STOML3: variants seen among roughly 807,000 people sequenced by gnomAD.
STOML3 encodes the protein stomatin like 3, also known as stomatin-like protein 3.
Under a neutral mutation model 29.5 loss-of-function variants are expected in STOML3, and 31 were observed. The observed-to-expected ratio is 1.05, with a 90% CI of 0.79 to 1.42. The LOEUF (loss-of-function observed/expected upper bound fraction) is 1.42. STOML3 is among the 40% of genes most tolerant of loss of function. The probability of loss-of-function intolerance (pLI) is 0.00; values close to 1 mark genes in which losing one functional copy is unlikely to be tolerated. For synonymous variants in STOML3, 122 were observed against 139.8 expected (o/e 0.87, Z 0.90); for missense variants, 380 against 363.0 (o/e 1.05, Z -0.38).
At chr13:38,968,175 C>T (rs9548571) in intron 6 of STOML3, among the ~76,000 whole-genome samples, 50,208 of 151,990 alleles carry the variant, frequency 0.33, 8,847 homozygotes, top group East Asian at 0.5. Context: ...TTGCTCAGTA[C>T]GTTACTGAGC....
chr13:38,968,404 G>A lies in STOML3; in HGVS notation c.647C>T (p.Ala216Val). 6.2e-7 allele frequency: 1 copy of A among 1,614,048 alleles called. No homozygotes were observed. Among genetic ancestry groups the A allele is most frequent in the Non-Finnish European group, 8.5e-7 (1 of 1,180,000 alleles). Residue 216 changes from alanine (A) to valine (V), a missense_variant, in exon 6 of 7, where the codon GCC becomes GTC. Transcript: ENST00000379631. ...TGTGAACTGCACAACACTTACCTTG[G>A]CTCTCGCTTCCCGGGTGGCCTCAGC... ...AEAEATREAR[A>V]KVLAAEGEMN...
chr13:38,968,743 A>G (rs1320080082), intron 5 of STOML3, among the ~76,000 whole-genome samples: 7 of 152,146 alleles, frequency 4.6e-5, no homozygotes, highest in Admixed American at 3.9e-4. Flanking sequence ...CTCTTTAAGA[A>G]TTCAGGAATT....
In STOML3 at chr13:38,966,278, G is replaced by C. The variant is rs1014891488; in HGVS notation, c.*547C>G. ...GTGAGCTCATCGCAGTTTGCCTTGT[G>C]GCACGGGGGACATGTTTGAGCCTGG... On this transcript the variant is annotated 3_prime_UTR_variant, in exon 7 of 7. Coordinates refer to ENST00000379631, the MANE Select transcript of STOML3 (RefSeq NM_145286.3). 1 of 152,542 alleles carries C rather than the reference G, an allele frequency of 6.6e-6. No individual in the cohort carries two copies. The highest frequency in any genetic ancestry group is 1.5e-5 in the Non-Finnish European group (1 of 68,344). The allele number at this position is 152,542 out of a possible 1,614,324, so 9.4% of individuals were successfully genotyped here.
intron 6 of STOML3, 85 bp from the exon 7 acceptor site, chr13:38,967,134 C>T (rs1880687350): frequency 2.4e-6 from 3 of 1,234,124 alleles, no homozygotes; most frequent in East Asian, 2.6e-5. Context: ...TATTGATACC[C>T]CTCTCCCCAG....
At position 38,972,538 on chromosome 13, in the gene STOML3, C is replaced by G; in HGVS notation, c.286G>C (p.Val96Leu). 2 of 1,614,036 alleles carry G rather than the reference C, an allele frequency of 1.2e-6. No individual in the cohort carries two copies. Among genetic ancestry groups the G allele is most frequent in the East Asian group, 2.2e-5 (1 of 44,862 alleles). The change falls in exon 4 of 7, where the codon GTT becomes CTT. Residue 96 changes from valine (V) to leucine (L), a missense_variant. Coordinates refer to ENST00000379631, the MANE Select transcript of STOML3 (RefSeq NM_145286.3). ...TCTTGTGGAGGAATGTTGCAAGTAA[C>G]TGTTCGGAGGTCAACTTTGACAAAC... ...DVFVKVDLRTVTCNIPPQEIL... is the reference protein window; with the variant it reads ...DVFVKVDLRTLTCNIPPQEIL...
intron 4 of STOML3, among the ~76,000 whole-genome samples, chr13:38,971,372 G>A (rs9548572): frequency 0.33 from 50,660 of 152,058 alleles, 9,006 homozygotes; most frequent in East Asian, 0.5. Context: ...CAGTTCCTAA[G>A]TGACATGAAG....
At chr13:38,976,647 G>A (rs1881087643) in intron 2 of STOML3, 35 bp from the exon 3 acceptor site, 3 of 1,614,008 alleles carry the variant, frequency 1.9e-6, no homozygotes, top group Non-Finnish European at 2.5e-6. Context: ...AGTCCTAATG[G>A]TTTGTCAGTT....
intron 1 of STOML3, among the ~76,000 whole-genome samples, chr13:38,985,915 T>TTTC (rs1361748695): frequency 9.4e-6 from 1 of 106,606 alleles, no homozygotes; most frequent in African/African-American, 5.0e-5. Context: ...TTCTTTCTTT[T>TTTC]TTTTTTTTTT....
chr13:38,968,433 G>A lies in STOML3; in HGVS notation c.618C>T (p.Ala206=), dbSNP rs151002925. 69 of 1,613,846 alleles carry A rather than the reference G, an allele frequency of 4.3e-5. No homozygotes were observed. The highest frequency in any genetic ancestry group is 1.9e-4 in the South Asian group (17 of 91,058). ...IPVQLQRSMA[A]EAEATREARA... is the part of the protein sequence containing the mutation. ...TCGCTTCCCGGGTGGCCTCAGCCTC[G>A]GCTGCCATGGATCTCTGCAACTGCA... Residue 206 remains alanine (A), a synonymous_variant, in exon 6 of 7, where the codon GCC becomes GCT. Transcript: ENST00000379631.
intron 1 of STOML3, among the ~76,000 whole-genome samples, chr13:38,990,106 T>C (rs1868940762): frequency 6.6e-6 from 1 of 152,216 alleles, no homozygotes; most frequent in Non-Finnish European, 1.5e-5. Context: ...TAGTCATTAG[T>C]ATTAATGATA....
intron 6 of STOML3, among the ~76,000 whole-genome samples, chr13:38,967,872 T>C (rs1049898401): frequency 1.3e-5 from 2 of 152,202 alleles, no homozygotes; most frequent in Non-Finnish European, 2.9e-5. Flanking sequence ...TTCAAGGACA[T>C]TCAGAGCCAG....
At chr13:38,981,432 G>T (rs1881264084) in intron 1 of STOML3, among the ~76,000 whole-genome samples, 1 of 152,134 alleles carries the variant, frequency 6.6e-6, no homozygotes, top group South Asian at 2.1e-4. Flanking sequence ...AGAATGTTCT[G>T]TATCACTAGC....
At chr13:38,987,475 G>C (rs1248419153) in intron 1 of STOML3, among the ~76,000 whole-genome samples, 1 of 151,714 alleles carries the variant, frequency 6.6e-6, no homozygotes, top group Non-Finnish European at 1.5e-5. Context: ...CTGGGCGACA[G>C]AGCAAGACCC....
In STOML3 at chr13:38,986,035, G is replaced by GTTTT. The variant is rs371208112; in HGVS notation, c.52+4631_52+4634dup. ...AAGTTTTCTTTGACATATTTACCTG[G>GTTTT]TTTTTTTTTTTTTTTTTTTTGGTTT... On this transcript the variant is annotated intron_variant, in intron 1 of 6. Coordinates refer to ENST00000379631, the MANE Select transcript of STOML3 (RefSeq NM_145286.3). Among the ~76,000 whole-genome samples, 291 of 70,670 alleles carry GTTTT rather than the reference G, an allele frequency of 4.1e-3. 2 individuals are homozygous for GTTTT. The highest frequency in any genetic ancestry group is 0.013 in the Admixed American group (70 of 5,472). 46.4% of individuals were successfully genotyped at this position (70,670 alleles called of 152,430 possible).
At chr13:38,972,419 A>G in intron 4 of STOML3, 93 bp downstream of exon 4, 1 of 1,286,102 alleles carries the variant, frequency 7.8e-7, no homozygotes, top group Non-Finnish European at 1.1e-6. Context: ...CTTCCCTCCT[A>G]TAGTTTAAAA....
chr13:38,967,012 G>A lies in STOML3; in HGVS notation c.689C>T (p.Ser230Phe), dbSNP rs140319813. 46 of 1,613,982 alleles carry A rather than the reference G, an allele frequency of 2.9e-5. No individual in the cohort carries two copies. In the Middle Eastern group the frequency reaches 6.6e-4, roughly 23 times the overall value. The stretch of plus-strand genomic sequence containing the variant: ...CAGCACCATGGAGGCTGACTTCAGG[G>A]ATTTGGAAGCATTCATTTCTCCTTC... Reference protein sequence around the residue: ...AAEGEMNASKSLKSASMVLAE... With the variant: ...AAEGEMNASKFLKSASMVLAE... The change falls in exon 7 of 7, where the codon TCC becomes TTC. Residue 230 changes from serine to phenylalanine, a missense_variant. Transcript: ENST00000379631.
chr13:38,974,802 A>G (rs566863114), intron 3 of STOML3, among the ~76,000 whole-genome samples: 33 of 152,164 alleles, frequency 2.2e-4, no homozygotes, highest in Admixed American at 3.9e-4. Context: ...TAAAAATGGT[A>G]TATTTTTCTC....
At position 38,976,757 on chromosome 13, in the gene STOML3, C is replaced by A. The variant is rs370486098; in HGVS notation, c.93G>T (p.Leu31=). The part of the protein sequence containing the change: ...NKRLGVCGWI[L]FSLSFLLVII... ...TCACCAACAGGAAAGAGAGGGAAAA[C>A]AGGATCCAGCCACATACACCAAGCC... The change falls in exon 2 of 7, where the codon CTG becomes CTT. Residue 31 remains leucine, a synonymous_variant. Transcript: ENST00000379631. 6.2e-7 allele frequency: 1 copy of A among 1,613,858 alleles called. No individual in the cohort carries two copies. Among genetic ancestry groups the A allele is most frequent in the Non-Finnish European group, 8.5e-7 (1 of 1,179,990 alleles).
intron 1 of STOML3, among the ~76,000 whole-genome samples, chr13:38,980,617 C>A (rs1881239174): frequency 6.6e-6 from 1 of 152,188 alleles, no homozygotes; most frequent in African/African-American, 2.4e-5. Context: ...ACCAAATCCA[C>A]AAATGTGTGT....
Sources: gnomAD v4.1 joint callset for allele counts (sites outside exome capture counted in the v4.1 genomes callset) on GRCh38, gnomAD v4.1.1 for gene constraint, MANE v1.5 for transcripts, NCBI Gene and HGNC (gene_info 2026-07-23, HGNC 2026-07-21) for gene names.